JAZF1: variants seen among roughly 807,000 people sequenced by gnomAD.
JAZF1 encodes juxtaposed with another zinc finger protein 1.
JAZF1 carries 8 observed loss-of-function variants against 26.4 expected under a neutral mutation model. The observed-to-expected ratio is 0.30, with a 90% CI of 0.18 to 0.55. The LOEUF is 0.55. JAZF1 is among the 20% of genes least tolerant of loss of function. JAZF1 has a pLI of 0.94. For missense variants in JAZF1, 199 were observed against 322.0 expected, an observed-to-expected ratio of 0.62 and a Z score of 2.92; for synonymous variants, 126 against 122.3, an observed-to-expected ratio of 1.03 and a Z score of -0.20.
intron 3 of JAZF1, among the ~76,000 whole-genome samples, chr7:27,867,070 G>A (rs910577217): frequency 2.6e-5 from 4 of 152,148 alleles, no homozygotes; most frequent in Non-Finnish European, 5.9e-5. Flanking sequence ...AGCCCTCGCC[G>A]GAGCTTGTTT....
intron 2 of JAZF1, among the ~76,000 whole-genome samples, chr7:27,975,373 A>G (rs1007908363): frequency 2.0e-5 from 3 of 152,092 alleles, no homozygotes; most frequent in African/African-American, 7.2e-5. Context: ...CTATGATCCA[A>G]TCACCTCCCA....
intron 1 of JAZF1, among the ~76,000 whole-genome samples, chr7:28,027,744 T>C (rs1439725428): frequency 6.6e-6 from 1 of 152,158 alleles, no homozygotes; most frequent in Non-Finnish European, 1.5e-5. Flanking sequence ...ATCCTCACAA[T>C]TACCCTGCAA....
chr7:27,944,101 G>A (rs1359003832), intron 2 of JAZF1, among the ~76,000 whole-genome samples: 1 of 152,226 alleles, frequency 6.6e-6, no homozygotes, highest in African/African-American at 2.4e-5. Flanking sequence ...TAGCATGAAA[G>A]TTATTGCCCC....
intron 1 of JAZF1, among the ~76,000 whole-genome samples, chr7:28,058,806 G>A (rs1783755410): frequency 6.6e-6 from 1 of 151,978 alleles, no homozygotes; most frequent in African/African-American, 2.4e-5. Context: ...TGATTTTATA[G>A]TGCAATTTTC....
intron 1 of JAZF1, among the ~76,000 whole-genome samples, chr7:28,048,977 C>CCCTTCCTTCCCTT (rs1286928986): frequency 2.7e-5 from 4 of 148,814 alleles, no homozygotes; most frequent in East Asian, 2.0e-4. Context: ...TTTCTCCCTT[C>CCCTTCCTTCCCTT]CCTTCCTTCC....
intron 1 of JAZF1, among the ~76,000 whole-genome samples, chr7:28,034,768 C>T (rs887073673): frequency 1.3e-5 from 2 of 152,100 alleles, no homozygotes; most frequent in Non-Finnish European, 2.9e-5. Context: ...GAAATGACAC[C>T]ATCATCCTCT....
chr7:28,089,222 G>A (rs146628603), intron 1 of JAZF1, among the ~76,000 whole-genome samples: 49 of 152,314 alleles, frequency 3.2e-4, no homozygotes, highest in African/African-American at 1.2e-3. Flanking sequence ...CATAAGAGTG[G>A]AGTCCTTGCC....
chr7:28,109,390 T>A (rs901073200), intron 1 of JAZF1, among the ~76,000 whole-genome samples: 12 of 152,294 alleles, frequency 7.9e-5, no homozygotes, highest in Admixed American at 2.0e-4. Context: ...AATTGAAATT[T>A]AAAAAAATAA....
At chr7:28,083,766 C>A (rs1784173227) in intron 1 of JAZF1, among the ~76,000 whole-genome samples, 2 of 151,854 alleles carry the variant, frequency 1.3e-5, no homozygotes, top group African/African-American at 4.8e-5. Flanking sequence ...GTCCGCTGAC[C>A]CAGCCAGTAA....
chr7:27,918,694 T>C (rs1784482056), intron 2 of JAZF1, among the ~76,000 whole-genome samples: 1 of 152,214 alleles, frequency 6.6e-6, no homozygotes, highest in Non-Finnish European at 1.5e-5. Flanking sequence ...GCTTGCTTCA[T>C]TAACTGTGCT....
In JAZF1 at chr7:27,840,559, C is replaced by T; in HGVS notation, c.555+139G>A. 1.1e-6 allele frequency: 1 copy of T among 877,128 alleles called. No individual in the cohort carries two copies. The highest frequency in any genetic ancestry group is 1.6e-5 in the South Asian group (1 of 63,228). 54.3% of individuals were successfully genotyped at this position (877,128 alleles called of 1,614,324 possible). On this transcript the variant is annotated intron_variant, in intron 4 of 4. Transcript: ENST00000283928. This position sits in a 1 kb window ranked among gnomAD's most constrained non-coding sequence, Gnocchi z 5.1. ...ACCTGTGTGCACACAGGGGTGAGGC[C>T]CACGCACTCTAATGCAGGAGAGGGG...
intron 3 of JAZF1, among the ~76,000 whole-genome samples, chr7:27,860,813 G>T (rs1184886012): frequency 6.6e-6 from 1 of 152,160 alleles, no homozygotes; most frequent in Non-Finnish European, 1.5e-5. Context: ...CTCTCAGTGT[G>T]TTTAAGCCCC....
intron 4 of JAZF1, among the ~76,000 whole-genome samples, chr7:27,835,965 A>C (rs547025193): frequency 6.6e-6 from 1 of 152,354 alleles, no homozygotes; most frequent in Non-Finnish European, 1.5e-5. Context: ...TGGGTACTTG[A>C]TGTCAATTGC....
intron 2 of JAZF1, among the ~76,000 whole-genome samples, chr7:27,979,466 G>C (rs1785538974): frequency 7.7e-6 from 1 of 129,516 alleles, no homozygotes; most frequent in Non-Finnish European, 1.6e-5. Flanking sequence ...ATAGCTAACT[G>C]TAGCCTTGAA....
intron 1 of JAZF1, among the ~76,000 whole-genome samples, chr7:28,091,069 AC>A (rs1333079324): frequency 1.4e-5 from 2 of 138,288 alleles, no homozygotes; most frequent in East Asian, 4.2e-4. Context: ...CTCATGATCC[AC>A]CCGCCTCGGC....
intron 1 of JAZF1, among the ~76,000 whole-genome samples, chr7:28,126,852 C>A (rs1397049402): frequency 6.6e-6 from 1 of 152,176 alleles, no homozygotes; most frequent in Non-Finnish European, 1.5e-5. Context: ...GTCCACGGAA[C>A]CCTAAAGGTC....
intron 2 of JAZF1, among the ~76,000 whole-genome samples, chr7:27,963,923 C>T (rs1785228595): frequency 1.3e-5 from 2 of 152,092 alleles, no homozygotes; most frequent in Non-Finnish European, 2.9e-5. Flanking sequence ...TGGATGTAAG[C>T]AGCACTTTCT....
At chr7:27,929,245 C>T (rs1784645580) in intron 2 of JAZF1, among the ~76,000 whole-genome samples, 1 of 52,146 alleles carries the variant, frequency 1.9e-5, no homozygotes, top group Non-Finnish European at 3.6e-5. Context: ...GGTAGGGTGG[C>T]TCCAGTGGGC....
intron 4 of JAZF1, 80 bp from the exon 5 acceptor site, chr7:27,833,056 A>G (rs56070801): frequency 0.11 from 124,815 of 1,179,128 alleles, 7,479 homozygotes; most frequent in Middle Eastern, 0.13. Context: ...TTGGGTCTGG[A>G]TTGCAGTTCC....
Sources: gnomAD v4.1 joint callset for allele counts (sites outside exome capture counted in the v4.1 genomes callset) on GRCh38, gnomAD v4.1.1 for gene constraint, Gnocchi (gnomAD v3.1) non-coding constraint, MANE v1.5 for transcripts, NCBI Gene and HGNC (gene_info 2026-07-23, HGNC 2026-07-21) for gene names.